Variants in FBXO34 observed in about 807,000 individuals in gnomAD.
FBXO34 encodes F-box only protein 34.
FBXO34 carries 12 observed loss-of-function variants against 24.5 expected under a neutral mutation model. The ratio of observed to expected loss-of-function variants is 0.49; its 90% CI spans 0.31 to 0.79. FBXO34 has a LOEUF of 0.79. Among genes scored for constraint, FBXO34 ranks in the 30% least tolerant of loss-of-function variants. The probability of loss-of-function intolerance (pLI) is 0.04; values close to 1 mark genes in which losing one functional copy is unlikely to be tolerated. For synonymous variants in FBXO34, 320 were observed against 311.9 expected (o/e 1.03, Z -0.27); for missense variants, 823 against 857.7 (o/e 0.96, Z 0.51).
the FBXO34 span, among the ~76,000 whole-genome samples, chr14:55,391,589 A>C: frequency 5.3e-5 from 8 of 152,188 alleles, no homozygotes; most frequent in African/African-American, 1.9e-4. Flanking sequence ...CGCTCTAGCT[A>C]TATAGCTACT....
chr14:55,289,943 A>G (rs538903568), intron 1 of FBXO34, among the ~76,000 whole-genome samples: 1 of 152,260 alleles, frequency 6.6e-6, no homozygotes, highest in African/African-American at 2.4e-5. Context: ...AATTCTTTAC[A>G]TATTGGTGTA....
At chr14:55,407,317 G>C in the FBXO34 span, among the ~76,000 whole-genome samples, 313 of 152,302 alleles carry the variant, frequency 2.1e-3, 1 homozygote, top group African/African-American at 7.3e-3. Context: ...TTTGACTAGA[G>C]ACGAGGTTTC....
downstream of FBXO34, chr14:55,355,205 A>T (rs946621889): frequency 2.0e-5 from 3 of 152,340 alleles, no homozygotes; most frequent in African/African-American, 4.8e-5. Flanking sequence ...GTGAATTGAA[A>T]GCTAAGGAGG....
At chr14:55,428,978 G>C in the FBXO34 span, 1 of 1,613,872 alleles carries the variant, frequency 6.2e-7, no homozygotes, top group Non-Finnish European at 8.5e-7. Context: ...CTCTTCACTG[G>C]GGAGGGGCAA....
At chr14:55,323,405 A>T (rs1284896369) in intron 1 of FBXO34, among the ~76,000 whole-genome samples, 3 of 142,722 alleles carry the variant, frequency 2.1e-5, no homozygotes, top group Non-Finnish European at 3.0e-5. Flanking sequence ...TTTTTTTGAG[A>T]TGTAATCTCG....
chr14:55,330,030 G>A (rs1258741548), intron 1 of FBXO34, among the ~76,000 whole-genome samples: 1 of 151,982 alleles, frequency 6.6e-6, no homozygotes, highest in African/African-American at 2.4e-5. Context: ...AGATTTGTGC[G>A]TTTCTGTAAG....
At chr14:55,383,514 A>G in the FBXO34 span, among the ~76,000 whole-genome samples, 2 of 151,988 alleles carry the variant, frequency 1.3e-5, no homozygotes, top group African/African-American at 4.8e-5. Flanking sequence ...TCATGCCACT[A>G]CACTCCAGCC....
At chr14:55,319,728 T>C (rs1354400559) in intron 1 of FBXO34, among the ~76,000 whole-genome samples, 2 of 152,182 alleles carry the variant, frequency 1.3e-5, no homozygotes, top group Non-Finnish European at 2.9e-5. Flanking sequence ...CAGGCTGGAG[T>C]GCAGTGGCGC....
intron 1 of FBXO34, among the ~76,000 whole-genome samples, chr14:55,281,924 A>G (rs1235317710): frequency 6.6e-6 from 1 of 150,832 alleles, no homozygotes; most frequent in Admixed American, 6.6e-5. Context: ...TGGGCTATGT[A>G]AATTTGTAGC....
At chr14:55,278,573 C>G (rs1170303051) in intron 1 of FBXO34, among the ~76,000 whole-genome samples, 1 of 152,158 alleles carries the variant, frequency 6.6e-6, no homozygotes, top group South Asian at 2.1e-4. Flanking sequence ...TGTTGCAGCT[C>G]AAGCCCTACA....
chr14:55,432,444 C>CAAAAAAAAAACACA, the FBXO34 span, among the ~76,000 whole-genome samples: 7 of 147,522 alleles, frequency 4.7e-5, no homozygotes, highest in South Asian at 2.2e-4. Flanking sequence ...AAACAAACAA[C>CAAAAAAAAAACACA]AAAAAAAACA....
chr14:55,306,287 C>T (rs965058237), intron 1 of FBXO34, among the ~76,000 whole-genome samples: 1 of 152,154 alleles, frequency 6.6e-6, no homozygotes, highest in Non-Finnish European at 1.5e-5. Flanking sequence ...GCAGTAGAAA[C>T]CCACAACAAA....
chr14:55,305,586 A>G (rs1026635968), intron 1 of FBXO34, among the ~76,000 whole-genome samples: 1 of 150,470 alleles, frequency 6.6e-6, no homozygotes, highest in Non-Finnish European at 1.5e-5. Flanking sequence ...GTCCCCAGCT[A>G]CTCGGGAGGC....
At chr14:55,334,879 G>A (rs1281011751) in intron 1 of FBXO34, among the ~76,000 whole-genome samples, 1 of 152,214 alleles carries the variant, frequency 6.6e-6, no homozygotes, top group Admixed American at 6.5e-5. Context: ...TTCATCCATT[G>A]GTGACAAGAT....
the FBXO34 span, chr14:55,385,872 T>G: frequency 1.2e-6 from 2 of 1,611,762 alleles, no homozygotes; most frequent in Non-Finnish European, 1.7e-6. Flanking sequence ...ACACCCGTCT[T>G]TACTTCCTCG....
the FBXO34 span, chr14:55,386,234 AGTG>A: frequency 0.066 from 45,739 of 693,426 alleles, 1,818 homozygotes; most frequent in South Asian, 0.086. Flanking sequence ...ATGTTCACTA[AGTG>A]GAAAATTTGA....
At chr14:55,322,848 A>C (rs1468679333) in intron 1 of FBXO34, among the ~76,000 whole-genome samples, 1 of 151,604 alleles carries the variant, frequency 6.6e-6, no homozygotes, top group African/African-American at 2.4e-5. Flanking sequence ...TTTACATTTT[A>C]CTCAGTGTGC....
At chr14:55,332,049 T>A (rs1012596545) in intron 1 of FBXO34, among the ~76,000 whole-genome samples, 3 of 129,932 alleles carry the variant, frequency 2.3e-5, no homozygotes, top group East Asian at 2.2e-4. Context: ...TATATAAAAA[T>A]ATATATATAT....
chr14:55,319,503 A>G (rs1883053603), intron 1 of FBXO34, among the ~76,000 whole-genome samples: 1 of 152,160 alleles, frequency 6.6e-6, no homozygotes, highest in Admixed American at 6.5e-5. Flanking sequence ...TTCAGTTTAT[A>G]TGATGACTCT....
Sources: allele counts gnomAD v4.1 joint callset (sites outside exome capture counted in the v4.1 genomes callset), GRCh38; gene constraint gnomAD v4.1.1; transcripts MANE v1.5; gene names NCBI Gene and HGNC (gene_info 2026-07-23, HGNC 2026-07-21).